Variants in OMA1 observed in about 807,000 individuals in gnomAD.
OMA1 encodes metalloendopeptidase OMA1, mitochondrial.
A neutral mutation model predicts 30.9 loss-of-function variants in OMA1; 38 were observed. That is an observed-to-expected ratio of 1.23 (90% confidence interval 0.95 to 1.61). The LOEUF is 1.61. Ranked by LOEUF, OMA1 falls within the 40% of genes most tolerant of loss-of-function variation. The probability of loss-of-function intolerance (pLI) is 0.00; values close to 1 mark genes in which losing one functional copy is unlikely to be tolerated. For missense variants in OMA1, 461 were observed against 349.2 expected (o/e 1.32, Z -2.55); for synonymous variants, 173 against 121.9 (o/e 1.42, Z -2.76).
intron 7 of OMA1, among the ~76,000 whole-genome samples, chr1:58,521,869 T>C (rs1057348167): frequency 2.0e-5 from 3 of 152,162 alleles, no homozygotes; most frequent in African/African-American, 7.2e-5. Flanking sequence ...AAAACTCTTC[T>C]GGAGAAGAGA....
At chr1:58,496,117 T>C (rs1435876368) in intron 8 of OMA1, among the ~76,000 whole-genome samples, 1 of 152,154 alleles carries the variant, frequency 6.6e-6, no homozygotes, top group Non-Finnish European at 1.5e-5. Context: ...CCCATTGTTA[T>C]ATGCAGCTTG....
Position 58,540,272 on chromosome 1 carries a change from T to C in OMA1, c.-16-962A>G, listed in dbSNP as rs545101528. Among the ~76,000 whole-genome samples the C allele has an allele frequency of 2.1e-5, 3 of 142,470 alleles. No homozygotes were observed. In the Admixed American group the frequency reaches 2.2e-4, roughly 11 times the overall value. 93.5% of individuals were successfully genotyped at this position (142,470 alleles called of 152,430 possible). Reference sequence around the variant, plus strand: ...AGATTAAATGCTTCCAAGCAACAACTGCATCCCAGGAAAAAAAAAAAATCT... The same window carrying C: ...AGATTAAATGCTTCCAAGCAACAACCGCATCCCAGGAAAAAAAAAAAATCT... On this transcript the variant is annotated intron_variant, in intron 1 of 8. Transcript: ENST00000371226.
chr1:58,485,091 A>T (rs1044465661), intron 8 of OMA1, among the ~76,000 whole-genome samples: 1 of 151,964 alleles, frequency 6.6e-6, no homozygotes, highest in Non-Finnish European at 1.5e-5. Flanking sequence ...TGTAACTAAT[A>T]TTATCACTCT....
chr1:58,530,467 C>T, intron 6 of OMA1, 134 bp downstream of exon 6: 1 of 566,224 alleles, frequency 1.8e-6, no homozygotes, highest in Non-Finnish European at 3.1e-6. Flanking sequence ...AACGAGAAAA[C>T]ATAAGACACT....
At chr1:58,528,154 G>C (rs1288355300) in intron 6 of OMA1, among the ~76,000 whole-genome samples, 6 of 152,194 alleles carry the variant, frequency 3.9e-5, no homozygotes, top group Non-Finnish European at 7.3e-5. Flanking sequence ...TCTGTTTTAG[G>C]TCAATGATGT....
At chr1:58,501,780 C>T (rs1645910332) in intron 8 of OMA1, among the ~76,000 whole-genome samples, 1 of 152,250 alleles carries the variant, frequency 6.6e-6, no homozygotes, top group Middle Eastern at 3.4e-3. Flanking sequence ...ATTTTGAAGT[C>T]CCAACCTCCA....
chr1:58,518,244 G>C lies in OMA1; in HGVS notation c.1215+9017C>G, dbSNP rs866944996. Reference sequence around the variant, plus strand: ...GAGAGGGGAGAGGGGAGAGGGGAGAGGGGAGAGGGGAGAGGGGAGAGGAGA... The same window carrying C: ...GAGAGGGGAGAGGGGAGAGGGGAGACGGGAGAGGGGAGAGGGGAGAGGAGA... On this transcript the variant is annotated intron_variant, in intron 7 of 8. Coordinates refer to ENST00000371226, the MANE Select transcript of OMA1 (RefSeq NM_145243.5). Among the ~76,000 whole-genome samples the C allele has an allele frequency of 6.5e-3, 99 of 15,322 alleles. 2 individuals are homozygous for C. Among genetic ancestry groups the C allele is most frequent in the African/African-American group, 0.019 (50 of 2,676 alleles). The allele number at this position is 15,322 out of a possible 152,430, so 10.1% of individuals were successfully genotyped here. A position where few individuals can be genotyped will look rare whatever the true frequency, so the allele number is the denominator to read the frequency against.
chr1:58,538,657 G>C, intron 2 of OMA1, 138 bp downstream of exon 2: 1 of 499,326 alleles, frequency 2.0e-6, no homozygotes, highest in Non-Finnish European at 3.5e-6. Flanking sequence ...AATGGGGGGA[G>C]ACAGGGGATC....
At chr1:58,544,188 C>G (rs1646665946) in intron 1 of OMA1, among the ~76,000 whole-genome samples, 1 of 152,094 alleles carries the variant, frequency 6.6e-6, no homozygotes, top group African/African-American at 2.4e-5. Flanking sequence ...TAAATGTTGG[C>G]AATGAACTTA....
At chr1:58,524,627 G>A (rs544302520) in intron 7 of OMA1, among the ~76,000 whole-genome samples, 3 of 152,140 alleles carry the variant, frequency 2.0e-5, no homozygotes, top group East Asian at 1.9e-4. Context: ...TTTTTTCAAC[G>A]GTCCTTATTC....
At chr1:58,517,641 C>T (rs1431490891) in intron 7 of OMA1, among the ~76,000 whole-genome samples, 1 of 152,122 alleles carries the variant, frequency 6.6e-6, no homozygotes, top group Non-Finnish European at 1.5e-5. Context: ...TATTAAATTT[C>T]TGTCTCTTGA....
intron 7 of OMA1, among the ~76,000 whole-genome samples, chr1:58,521,327 A>AG (rs1278891460): frequency 6.0e-5 from 7 of 117,574 alleles, no homozygotes; most frequent in South Asian, 3.9e-4. Context: ...TGTATGTACT[A>AG]GAAAAAAAAA....
chr1:58,530,563 G>C, intron 6 of OMA1, 38 bp downstream of exon 6: 1 of 837,140 alleles, frequency 1.2e-6, no homozygotes, highest in Non-Finnish European at 2.1e-6. Context: ...ATCTTCACCA[G>C]AGGCTATGAT....
intron 8 of OMA1, among the ~76,000 whole-genome samples, chr1:58,491,403 C>G (rs924574539): frequency 1.1e-4 from 16 of 152,144 alleles, no homozygotes; most frequent in Admixed American, 9.8e-4. Flanking sequence ...GGATCAAATT[C>G]ACACATAACA....
At position 58,480,941 on chromosome 1, in the gene OMA1, A is replaced by C. The variant is rs761684491; in HGVS notation, c.*24T>G. 3.5e-6 allele frequency: 3 copies of C among 848,376 alleles called. No homozygotes were observed. The East Asian group carries it at 7.3e-5, about 21-fold the overall frequency. 52.6% of individuals were successfully genotyped at this position (848,376 alleles called of 1,614,324 possible). ...ATAAGGACTGCAACATTCTTCATAT[A>C]TCTTGTGTCTCATAAATTTTAATTC... On this transcript the variant is annotated 3_prime_UTR_variant, in exon 9 of 9. Coordinates refer to ENST00000371226, the MANE Select transcript of OMA1 (RefSeq NM_145243.5).
chr1:58,525,802 A>C (rs1240250221), intron 7 of OMA1, among the ~76,000 whole-genome samples: 2 of 152,276 alleles, frequency 1.3e-5, no homozygotes, highest in African/African-American at 4.8e-5. Flanking sequence ...CAGAAGCTTC[A>C]GGTATCAACA....
chr1:58,521,465 T>C (rs1395614213), intron 7 of OMA1, among the ~76,000 whole-genome samples: 1 of 151,204 alleles, frequency 6.6e-6, no homozygotes, highest in East Asian at 1.9e-4. Context: ...AAAACAATTA[T>C]ATAATAGAGA....
intron 7 of OMA1, among the ~76,000 whole-genome samples, chr1:58,519,267 T>C (rs940087895): frequency 3.9e-5 from 6 of 152,204 alleles, no homozygotes; most frequent in African/African-American, 1.4e-4. Flanking sequence ...CTTGGTAGGT[T>C]ATATATTTAG....
intron 7 of OMA1, among the ~76,000 whole-genome samples, chr1:58,524,480 T>A (rs1238050631): frequency 6.6e-6 from 1 of 152,236 alleles, no homozygotes; most frequent in African/African-American, 2.4e-5. Context: ...AGTCTATAGA[T>A]AGGCCTTTCT....
Sources: allele counts gnomAD v4.1 joint callset (sites outside exome capture counted in the v4.1 genomes callset), GRCh38; gene constraint gnomAD v4.1.1; transcripts MANE v1.5; gene names NCBI Gene and HGNC (gene_info 2026-07-23, HGNC 2026-07-21).